SMYD2: variants seen among roughly 807,000 people sequenced by gnomAD.
SMYD2 encodes N-lysine methyltransferase SMYD2.
Under a neutral mutation model 59.1 loss-of-function variants are expected in SMYD2, and 53 were observed. The observed-to-expected ratio is 0.90, with a 90% confidence interval of 0.72 to 1.13. The LOEUF (loss-of-function observed/expected upper bound fraction) is 1.13, where lower values mean the gene tolerates loss of function less well. Ranked by LOEUF, SMYD2 falls within the 50% of genes most tolerant of loss-of-function variation. The pLI, the probability that SMYD2 is intolerant of heterozygous loss-of-function variation, is 0.00. For missense variants in SMYD2, 494 were observed against 544.7 expected, an observed-to-expected ratio of 0.91 and a Z score of 0.93; for synonymous variants, 208 against 198.8, an observed-to-expected ratio of 1.05 and a Z score of -0.39.
At chr1:214,310,266 G>A (rs1199738272) in intron 2 of SMYD2, among the ~76,000 whole-genome samples, 1 of 152,040 alleles carries the variant, frequency 6.6e-6, no homozygotes, top group Non-Finnish European at 1.5e-5. Flanking sequence ...GTCATGCACA[G>A]TAGTTATTAT....
At chr1:214,294,274 A>G (rs1656687384) in intron 1 of SMYD2, among the ~76,000 whole-genome samples, 1 of 152,244 alleles carries the variant, frequency 6.6e-6, no homozygotes, top group Non-Finnish European at 1.5e-5. Flanking sequence ...GCCTAAACAA[A>G]TTGGTAATTC....
rs567211978 is a variant in SMYD2 at position 214,281,569 on chromosome 1, AGGCCCCGCGCTGC to A, written c.173+156_173+168del. 273 of 688,358 alleles carry A rather than the reference AGGCCCCGCGCTGC, an allele frequency of 4.0e-4. 1 individual carries two copies. The highest frequency in any genetic ancestry group is 2.8e-3 in the African/African-American group (147 of 51,656). The allele number at this position is 688,358 out of a possible 1,614,324, so 42.6% of individuals were successfully genotyped here. ...CGGGGTGGGGGGCGGGGAGGGGAGGAGGCCCCGCGCTGCGGCCCCGCGCTGCAGCCCCACGCCA... is the reference window on the plus strand; with the variant it reads ...CGGGGTGGGGGGCGGGGAGGGGAGGAGGCCCCGCGCTGCAGCCCCACGCCA... On this transcript the variant is annotated intron_variant, in intron 1 of 11. Coordinates refer to ENST00000366957, the MANE Select transcript of SMYD2 (RefSeq NM_020197.3).
At chr1:214,306,073 C>G (rs757868034) in intron 2 of SMYD2, among the ~76,000 whole-genome samples, 3 of 152,066 alleles carry the variant, frequency 2.0e-5, no homozygotes, top group Non-Finnish European at 2.9e-5. Context: ...TCTGGACACC[C>G]CGTGGCATTT....
chr1:214,304,579 A>AAAAC (rs1656886553), intron 1 of SMYD2, among the ~76,000 whole-genome samples: 1 of 151,400 alleles, frequency 6.6e-6, no homozygotes, highest in African/African-American at 2.4e-5. Context: ...AAAAAAAAAA[A>AAAAC]AAAGCATCTA....
At chr1:214,322,649 T>G (rs149462515) in intron 5 of SMYD2, among the ~76,000 whole-genome samples, 23 of 152,298 alleles carry the variant, frequency 1.5e-4, no homozygotes, top group Admixed American at 5.2e-4. Context: ...ATTTAGTAGA[T>G]CTGACCAATT....
At chr1:214,304,306 A>G (rs1349259560) in intron 1 of SMYD2, among the ~76,000 whole-genome samples, 1 of 152,088 alleles carries the variant, frequency 6.6e-6, no homozygotes, top group African/African-American at 2.4e-5. Context: ...TGCCTATAAT[A>G]CCAGCACTTT....
intron 2 of SMYD2, among the ~76,000 whole-genome samples, chr1:214,310,284 GA>G (rs1328830667): frequency 1.3e-5 from 2 of 152,152 alleles, no homozygotes; most frequent in Non-Finnish European, 2.9e-5. Flanking sequence ...TATCTTAGTT[GA>G]AAATGAATTA....
chr1:214,293,087 C>CT (rs1449739652), intron 1 of SMYD2, among the ~76,000 whole-genome samples: 6 of 151,310 alleles, frequency 4.0e-5, no homozygotes, highest in Non-Finnish European at 8.8e-5. Flanking sequence ...GAGTCTCTCT[C>CT]TGTCACCCAG....
At chr1:214,304,858 A>C (rs978160212) in intron 1 of SMYD2, among the ~76,000 whole-genome samples, 2 of 152,194 alleles carry the variant, frequency 1.3e-5, no homozygotes, top group African/African-American at 4.8e-5. Flanking sequence ...TGACCTGTAC[A>C]GTAGTTCTGT....
chr1:214,318,954 A>C lies in SMYD2; in HGVS notation c.505A>C (p.Asn169His). ...FYSKHLGFPD[N>H]DSLVVLFAQV... ...CTCCAAGCATCTCGGATTCCCTGAC[A>C]ATGATAGCCTCGTAGTACTCTTTGC... is the stretch of plus-strand genomic sequence containing the variant. The change falls in exon 5 of 12, where the codon AAT becomes CAT. Residue 169 changes from asparagine to histidine, a missense_variant. Asn to His is a moderately conservative substitution (Grantham distance 68). Transcript: ENST00000366957. This position sits in a 1 kb window ranked among gnomAD's most constrained non-coding sequence, Gnocchi z 5.4. The C allele has an allele frequency of 6.2e-7, 1 of 1,614,132 alleles. No homozygotes were observed. Among genetic ancestry groups the C allele is most frequent in the East Asian group, 2.2e-5 (1 of 44,878 alleles).
chr1:214,323,194 C>T (rs927127884), intron 5 of SMYD2, among the ~76,000 whole-genome samples: 7 of 152,104 alleles, frequency 4.6e-5, no homozygotes, highest in Non-Finnish European at 7.3e-5. Flanking sequence ...GATCACCTAC[C>T]GAATTGTCTC....
intron 1 of SMYD2, among the ~76,000 whole-genome samples, chr1:214,300,060 A>G (rs1196791756): frequency 6.6e-6 from 1 of 152,222 alleles, no homozygotes; most frequent in East Asian, 1.9e-4. Flanking sequence ...GGGTGATGGT[A>G]TCATTTATAT....
At chr1:214,319,946 T>C (rs567887886) in intron 5 of SMYD2, among the ~76,000 whole-genome samples, 1 of 152,264 alleles carries the variant, frequency 6.6e-6, no homozygotes, top group South Asian at 2.1e-4. Flanking sequence ...AGTAACTCTG[T>C]TTGCAGGAAT....
intron 1 of SMYD2, among the ~76,000 whole-genome samples, chr1:214,296,969 A>G (rs1291968587): frequency 1.3e-5 from 2 of 152,238 alleles, no homozygotes; most frequent in African/African-American, 4.8e-5. Context: ...TTCATCATCA[A>G]GGTAGTTAAA....
intron 1 of SMYD2, among the ~76,000 whole-genome samples, chr1:214,304,581 A>AAAAAAAC (rs1656886803): frequency 2.0e-5 from 3 of 151,396 alleles, no homozygotes; most frequent in East Asian, 1.9e-4. Flanking sequence ...AAAAAAAAAA[A>AAAAAAAC]AGCATCTATC....
chr1:214,299,083 T>G (rs1225834912), intron 1 of SMYD2, among the ~76,000 whole-genome samples: 1 of 152,044 alleles, frequency 6.6e-6, no homozygotes, highest in Non-Finnish European at 1.5e-5. Context: ...CACAAGAGTT[T>G]GAGGCTGCAG....
Position 214,281,319 on chromosome 1 carries a change from G to A in SMYD2, c.65G>A (p.Arg22Gln). ...AGCCCGGGCAAAGGCCGGGGGCTGC[G>A]GGCTCTGCAGCCCTTCCAGGTGGGG... ...FCSPGKGRGL[R>Q]ALQPFQVGDL... is the part of the protein sequence containing the mutation. Residue 22 changes from arginine (R) to glutamine (Q), a missense_variant, in exon 1 of 12, where the codon CGG becomes CAG. Transcript: ENST00000366957. 1 of 1,416,026 alleles carries A rather than the reference G, an allele frequency of 7.1e-7. No individual in the cohort carries two copies. The highest frequency in any genetic ancestry group is 2.8e-5 in the East Asian group (1 of 35,602). 87.7% of individuals were successfully genotyped at this position (1,416,026 alleles called of 1,614,324 possible). A position where few individuals can be genotyped will look rare whatever the true frequency, so the allele number is the denominator to read the frequency against.
At position 214,318,759 on chromosome 1, in the gene SMYD2, T is replaced by C. The variant is rs1657124725; in HGVS notation, c.410-100T>C. 4 of 1,394,402 alleles carry C rather than the reference T, an allele frequency of 2.9e-6. No individual in the cohort carries two copies. The Admixed American group carries it at 9.6e-5, about 33-fold the overall frequency. 86.4% of individuals were successfully genotyped at this position (1,394,402 alleles called of 1,614,324 possible). On this transcript the variant is annotated intron_variant, in intron 4 of 11. Coordinates refer to ENST00000366957, the MANE Select transcript of SMYD2 (RefSeq NM_020197.3). This position sits in a 1 kb window ranked among gnomAD's most constrained non-coding sequence, Gnocchi z 5.4. The stretch of plus-strand genomic sequence containing the variant: ...CATGTTAGTTTTGGGTTTTTTTTTT[T>C]TCGCCCGTTCCTTTCCTCTGTATCA...
rs746766540 is a variant in SMYD2, at chr1:214,281,419, C to T, written c.165C>T (p.Cys55=). Residue 55 remains cysteine (C), a synonymous_variant, in exon 1 of 12, where the codon TGC becomes TGT. Coordinates refer to ENST00000366957, the MANE Select transcript of SMYD2 (RefSeq NM_020197.3). ...VNERGNHCEY[C]FTRKEGLSKC... ...AGCGGGGCAACCACTGCGAGTACTG[C>T]TTCACCAGGTAGGGCGGCGGCGGCG... 5.6e-6 allele frequency: 8 copies of T among 1,440,840 alleles called. No individual in the cohort carries two copies. Among genetic ancestry groups the T allele is most frequent in the Non-Finnish European group, 5.5e-6 (6 of 1,091,794 alleles). The allele number at this position is 1,440,840 out of a possible 1,614,324, so 89.3% of individuals were successfully genotyped here.
Sources: allele counts gnomAD v4.1 joint callset (sites outside exome capture counted in the v4.1 genomes callset), GRCh38; gene constraint gnomAD v4.1.1; non-coding constraint Gnocchi (gnomAD v3.1); transcripts MANE v1.5; gene names NCBI Gene and HGNC (gene_info 2026-07-23, HGNC 2026-07-21).